The following SLC6A5 variants were observed in gnomAD, a reference collection of about 807,000 sequenced individuals.
The protein encoded by SLC6A5 is solute carrier family 6 member 5, also known as sodium- and chloride-dependent glycine transporter 2.
SLC6A5 carries 58 observed loss-of-function variants against 90.5 expected under a neutral mutation model. The ratio of observed to expected loss-of-function variants is 0.64; its 90% confidence interval spans 0.52 to 0.80. SLC6A5 has a LOEUF of 0.80. Ranked by LOEUF, SLC6A5 falls within the 30% of genes least tolerant of loss-of-function variation. The pLI is 0.00. For missense variants in SLC6A5, 1,015 were observed against 1,017.6 expected, an observed-to-expected ratio of 1.00 and a Z score of 0.03; for synonymous variants, 427 against 401.4, an observed-to-expected ratio of 1.06 and a Z score of -0.76.
rs1225128166 is a variant in SLC6A5 at position 20,659,083 on chromosome 11, C to A, written c.*4215C>A. 2.4e-5 allele frequency: 3 copies of A among 126,632 alleles called. No individual in the cohort carries two copies. Among genetic ancestry groups the A allele is most frequent in the South Asian group, 2.4e-4 (1 of 4,092 alleles). The allele number at this position is 126,632 out of a possible 1,614,324, so 7.8% of individuals were successfully genotyped here. On this transcript the variant is annotated 3_prime_UTR_variant, in exon 16 of 16. Coordinates refer to ENST00000525748, the MANE Select transcript of SLC6A5 (RefSeq NM_004211.5). ...TATATATATATATATATATATATAT[C>A]TTATAGATTACATATTATATACTGC... is the stretch of plus-strand genomic sequence containing the variant.
At chr11:20,629,359 C>T (rs1042510606) in intron 9 of SLC6A5, 4 of 152,142 alleles carry the variant, frequency 2.6e-5, no homozygotes, top group Non-Finnish European at 4.4e-5. Context: ...TGTCCTGGAG[C>T]CGACCAAGGC....
At chr11:20,601,717 A>C (rs780583108) in intron 2 of SLC6A5, 52 bp downstream of exon 2, 23 of 1,541,926 alleles carry the variant, frequency 1.5e-5, no homozygotes, top group Middle Eastern at 4.0e-4. Context: ...CAGCTGCGCG[A>C]GAGAGGCCAG....
chr11:20,629,831 G>A (rs1028516309), intron 9 of SLC6A5, among the ~76,000 whole-genome samples: 1 of 151,222 alleles, frequency 6.6e-6, no homozygotes, highest in African/African-American at 2.4e-5. Flanking sequence ...CCAGGTTCAA[G>A]CAATTCAAGT....
intron 10 of SLC6A5, among the ~76,000 whole-genome samples, chr11:20,636,093 C>T (rs1853200290): frequency 6.6e-6 from 1 of 152,194 alleles, no homozygotes; most frequent in Non-Finnish European, 1.5e-5. Flanking sequence ...TGTGAGTTCT[C>T]CTAGCTGTTG....
intron 10 of SLC6A5, among the ~76,000 whole-genome samples, chr11:20,634,454 A>G (rs1853165529): frequency 6.6e-6 from 1 of 152,200 alleles, no homozygotes; most frequent in Non-Finnish European, 1.5e-5. Flanking sequence ...TGTTTCCTCT[A>G]AAAAAGCTGT....
At position 20,630,733 on chromosome 11, in the gene SLC6A5, C is replaced by T; in HGVS notation, c.1542C>T (p.Ile514=). The T allele has an allele frequency of 6.2e-7, 1 of 1,614,128 alleles. No individual in the cohort carries two copies. The highest frequency in any genetic ancestry group is 2.2e-5 in the East Asian group (1 of 44,900). The change falls in exon 10 of 16, where the codon ATC becomes ATT. Residue 514 remains isoleucine, a synonymous_variant. Transcript: ENST00000525748. The stretch of plus-strand genomic sequence containing the variant: ...CCTGCACCAACAGTGCCACAAGCAT[C>T]TTTGCCGGCTTCGTCATCTTCTCCG... ...IVTCTNSATS[I]FAGFVIFSVI... is the part of the protein sequence containing the mutation.
chr11:20,615,875 A>G (rs1667545925), intron 6 of SLC6A5, among the ~76,000 whole-genome samples: 1 of 152,240 alleles, frequency 6.6e-6, no homozygotes, highest in Non-Finnish European at 1.5e-5. Context: ...TGTCGCATGT[A>G]AGGAAAGCCA....
chr11:20,640,575 G>A (rs548903705), intron 13 of SLC6A5, among the ~76,000 whole-genome samples: 48 of 152,166 alleles, frequency 3.2e-4, no homozygotes, highest in Middle Eastern at 3.4e-3. Flanking sequence ...CTCTGTGCTG[G>A]GCTCAGGTTG....
chr11:20,600,387 G>GAAGAAC (rs1852442246), intron 1 of SLC6A5, among the ~76,000 whole-genome samples: 1 of 148,968 alleles, frequency 6.7e-6, no homozygotes, highest in East Asian at 2.0e-4. Context: ...AGAAGAAGAA[G>GAAGAAC]AAGAAGAAGA....
rs183562522 is a variant in SLC6A5, at chr11:20,637,345, G to T, written c.1869+42G>T. ...GCACAGGCTTGGGGTGGGGGCAGGA[G>T]GGTGGGGGGCCAATAGCTATCTGTC... is the stretch of plus-strand genomic sequence containing the variant. On this transcript the variant is annotated intron_variant, in intron 12 of 15. Transcript: ENST00000525748. 1.6e-3 allele frequency: 2,521 copies of T among 1,563,086 alleles called. 4 individuals carry two copies. The highest frequency in any genetic ancestry group is 2.0e-3 in the Non-Finnish European group (2,307 of 1,136,012).
At chr11:20,654,144 C>G (rs1171992384) in intron 15 of SLC6A5, among the ~76,000 whole-genome samples, 1 of 152,190 alleles carries the variant, frequency 6.6e-6, no homozygotes. Context: ...TGAACCAAGT[C>G]AGAAGCGTGC....
chr11:20,601,142 C>A lies in SLC6A5; in HGVS notation c.17C>A (p.Pro6His). The A allele has an allele frequency of 6.3e-7, 1 of 1,591,238 alleles. No individual in the cohort carries two copies. Among genetic ancestry groups the A allele is most frequent in the East Asian group, 2.2e-5 (1 of 44,616 alleles). ...TTGTGTTTGCAGGATTGCAGTGCTC[C>A]CAAGGAAATGAATAAACTGCCAGCC... MDCSA[P>H]KEMNKLPANS... Residue 6 changes from proline (P) to histidine (H), a missense_variant, in exon 2 of 16, where the codon CCC (proline) becomes CAC (histidine). Pro to His is a moderately conservative substitution (Grantham distance 77). Around this residue, in one of 3 missense-constraint regions of SLC6A5, gnomAD observed 567 missense variants for 507.3 expected, o/e 1.12. Coordinates refer to ENST00000525748, the MANE Select transcript of SLC6A5 (RefSeq NM_004211.5).
At chr11:20,619,360 T>C (rs908121584) in intron 7 of SLC6A5, among the ~76,000 whole-genome samples, 5 of 152,178 alleles carry the variant, frequency 3.3e-5, no homozygotes, top group Non-Finnish European at 5.9e-5. Context: ...ATTACAGCTT[T>C]TATTAGTGCT....
At chr11:20,610,472 T>C (rs987028772) in intron 5 of SLC6A5, among the ~76,000 whole-genome samples, 6 of 152,224 alleles carry the variant, frequency 3.9e-5, no homozygotes, top group African/African-American at 4.8e-5. Context: ...TGCTTCACAA[T>C]TGCAACTTGG....
Position 20,630,546 on chromosome 11 carries a change from G to A in SLC6A5, c.1500-145G>A. ...TGGTGCTTTTTAAGTGAGCCCAAGG[G>A]AGCCTGTGGTTAGGACATGAACGTA... On this transcript the variant is annotated intron_variant, in intron 9 of 15. Coordinates refer to ENST00000525748, the MANE Select transcript of SLC6A5 (RefSeq NM_004211.5). 4.2e-6 allele frequency: 4 copies of A among 952,474 alleles called. No homozygotes were observed. The South Asian group carries it at 5.2e-5, about 12-fold the overall frequency. 59.0% of individuals were successfully genotyped at this position (952,474 alleles called of 1,614,324 possible).
rs768138885 is a variant in SLC6A5, at chr11:20,652,382, C to G, written c.2164C>G (p.Leu722Val). The G allele has an allele frequency of 6.2e-7, 1 of 1,614,074 alleles. No individual in the cohort carries two copies. Among genetic ancestry groups the G allele is most frequent in the South Asian group, 1.1e-5 (1 of 91,082 alleles). ...NWSMVLGWLM[L>V]ACSVIWIPIM... ...GTCCATGGTGCTCGGATGGCTAATGCTCGCCTGTTCCGTCATCTGGATCCC... is the reference window on the plus strand; with the variant it reads ...GTCCATGGTGCTCGGATGGCTAATGGTCGCCTGTTCCGTCATCTGGATCCC... Residue 722 changes from leucine (L) to valine (V), a missense_variant, in exon 15 of 16, where the codon CTC (leucine) becomes GTC (valine). Physicochemically the swap from Leu to Val is conservative, Grantham distance 32. Coordinates refer to ENST00000525748, the MANE Select transcript of SLC6A5 (RefSeq NM_004211.5).
chr11:20,607,771 A>T (rs772135863), intron 5 of SLC6A5, 119 bp downstream of exon 5: 5 of 768,620 alleles, frequency 6.5e-6, no homozygotes, highest in Admixed American at 2.1e-5. Context: ...GAACACAGAG[A>T]TTACATCAAA....
chr11:20,642,130 T>TA (rs959198769), intron 13 of SLC6A5, among the ~76,000 whole-genome samples: 95 of 148,478 alleles, frequency 6.4e-4, no homozygotes, highest in African/African-American at 2.1e-3. Flanking sequence ...AGTCACTTGT[T>TA]AAAAAAAAAT....
At chr11:20,613,143 G>A (rs900574000) in intron 5 of SLC6A5, among the ~76,000 whole-genome samples, 1 of 152,162 alleles carries the variant, frequency 6.6e-6, no homozygotes, top group Non-Finnish European at 1.5e-5. Context: ...ATCCTGTCTT[G>A]ATGTATGACC....
Sources: allele counts gnomAD v4.1 joint callset (sites outside exome capture counted in the v4.1 genomes callset), GRCh38; gene constraint gnomAD v4.1.1; regional missense constraint gnomAD v4.1.1; transcripts MANE v1.5; gene names NCBI Gene and HGNC (gene_info 2026-07-23, HGNC 2026-07-21).